DGKZ: variants seen among roughly 807,000 people sequenced by gnomAD.
DGKZ encodes the protein DAG kinase zeta.
A neutral mutation model predicts 142.5 loss-of-function variants in DGKZ; 45 were observed. The observed-to-expected ratio is 0.32, with a 90% confidence interval of 0.25 to 0.40. DGKZ has a LOEUF of 0.40. Ranked by LOEUF, DGKZ falls within the 10% of genes least tolerant of loss-of-function variation. The probability of loss-of-function intolerance (pLI) is 1.00; values close to 1 mark genes in which losing one functional copy is unlikely to be tolerated. For synonymous variants in DGKZ, 442 were observed against 527.0 expected (o/e 0.84, Z 2.21); for missense variants, 755 against 1,306.5 (o/e 0.58, Z 6.51).
chr11:46,371,727 G>A (rs1402500035), exon 9 of DGKZ: 17 of 1,613,810 alleles, frequency 1.1e-5, no homozygotes, highest in South Asian at 4.4e-5. Context: ...CAAGCAAGAA[G>A]AAGAAGAGGG....
upstream of DGKZ, among the ~76,000 whole-genome samples, chr11:46,343,316 C>T (rs957164803): frequency 5.3e-5 from 8 of 152,208 alleles, no homozygotes; most frequent in African/African-American, 1.7e-4. Context: ...ATTTATTAAA[C>T]AAATATTTAC....
chr11:46,351,875 A>G (rs1209001609), intron 1 of DGKZ, among the ~76,000 whole-genome samples: 2 of 152,164 alleles, frequency 1.3e-5, no homozygotes, highest in Non-Finnish European at 2.9e-5. Context: ...AGGGGAGGGA[A>G]TGACAATTCT....
Position 46,372,189 on chromosome 11 carries a change from CT to C in DGKZ, c.927+20del, listed in dbSNP as rs748837470. On this transcript the variant is annotated intron_variant, in intron 10 of 30. Coordinates refer to ENST00000527911, the Ensembl canonical transcript of DGKZ. The surrounding 1 kb of genome is among the most constrained non-coding windows in gnomAD (Gnocchi z 5.9). ...CAACCAGGTGAACGCGGCCTTGCCT[CT>C]CAGCTAAGGGCTCGGGCGGGGGTTG... The C allele has an allele frequency of 6.5e-5, 103 of 1,590,440 alleles. No homozygotes were observed. The highest frequency in any genetic ancestry group is 4.9e-5 in the Non-Finnish European group (57 of 1,166,250).
intron 14 of DGKZ, among the ~76,000 whole-genome samples, chr11:46,373,501 T>G (rs1395319462): frequency 6.5e-4 from 81 of 124,018 alleles, no homozygotes; most frequent in African/African-American, 2.8e-3. Context: ...TTTTTTTGTT[T>G]TTGTTTTTTG....
At chr11:46,337,477 G>A (rs2136376106) in intron 1 of DGKZ, among the ~76,000 whole-genome samples, 1 of 151,920 alleles carries the variant, frequency 6.6e-6, no homozygotes, top group South Asian at 2.1e-4. Flanking sequence ...TGTATTTTTA[G>A]TAGAGACGGG....
At chr11:46,375,297 C>G in intron 19 of DGKZ, 135 bp from the exon 20 acceptor site, 1 of 1,052,498 alleles carries the variant, frequency 9.5e-7, no homozygotes, top group Non-Finnish European at 1.4e-6. Flanking sequence ...GTCTCAGCCT[C>G]CCCTCTGCCC....
chr11:46,350,399 C>CCAGCTGAAACCAG lies in DGKZ; in HGVS notation c.161+2581_161+2593dup, dbSNP rs373385748. On this transcript the variant is annotated intron_variant, in intron 1 of 30. Coordinates refer to ENST00000527911, the Ensembl canonical transcript of DGKZ. ...GCCTCAGGTAAAAGTCCTCGAAGCC[C>CCAGCTGAAACCAG]CAGCTGAAACCAGCCCTTCATCTTA... is the stretch of plus-strand genomic sequence containing the variant. 1.6e-3 allele frequency among the ~76,000 whole-genome samples: 251 copies of CCAGCTGAAACCAG among 152,264 alleles called. 1 individual carries two copies. The highest frequency in any genetic ancestry group is 5.7e-3 in the African/African-American group (237 of 41,528).
At chr11:46,355,172 G>A (rs1001283048) in intron 1 of DGKZ, among the ~76,000 whole-genome samples, 3 of 152,042 alleles carry the variant, frequency 2.0e-5, no homozygotes, top group Non-Finnish European at 4.4e-5. Flanking sequence ...GCAGTGGTGC[G>A]ATCTCGGCTC....
chr11:46,374,795 C>A (rs1201272665), exon 18 of DGKZ: 17 of 1,609,068 alleles, frequency 1.1e-5, no homozygotes, highest in Admixed American at 3.4e-5. Flanking sequence ...CTCCCAAGAT[C>A]CAGGACCTGA....
intron 1 of DGKZ, among the ~76,000 whole-genome samples, chr11:46,336,112 G>A (rs957694521): frequency 1.3e-5 from 2 of 152,242 alleles, no homozygotes; most frequent in African/African-American, 4.8e-5. Context: ...GAGTGGAAGC[G>A]GAAGCGGGCT....
exon 31 of DGKZ, chr11:46,379,931 A>G (rs1169613491): frequency 1.2e-6 from 2 of 1,606,866 alleles, no homozygotes; most frequent in South Asian, 1.1e-5. Flanking sequence ...CGGGAGGACC[A>G]GGAGACGGCT....
At chr11:46,365,190 T>C in intron 1 of DGKZ, 1 of 985,356 alleles carries the variant, frequency 1.0e-6, no homozygotes, top group Non-Finnish European at 1.2e-6. Context: ...CCACAGCTCC[T>C]GCCTGCCTGC....
intron 1 of DGKZ, among the ~76,000 whole-genome samples, 187 bp downstream of exon 1, chr11:46,348,007 G>A (rs1481957907): frequency 1.3e-5 from 2 of 152,252 alleles, no homozygotes; most frequent in African/African-American, 4.8e-5. Context: ...CCCCAGGGCC[G>A]GGACACGGGC....
intron 1 of DGKZ, among the ~76,000 whole-genome samples, chr11:46,342,010 C>T (rs1204260452): frequency 2.0e-5 from 3 of 152,148 alleles, no homozygotes; most frequent in Non-Finnish European, 4.4e-5. Flanking sequence ...ATGTCCAGGT[C>T]GTGGGTTGAG....
At chr11:46,369,904 C>A (rs1029301701) in intron 5 of DGKZ, 37 bp from the exon 6 acceptor site, 2 of 1,610,332 alleles carry the variant, frequency 1.2e-6, no homozygotes, top group African/African-American at 1.3e-5. Flanking sequence ...CCCCTGCCCA[C>A]CCCTCACCCA....
chr11:46,364,093 T>C (rs964901596), intron 1 of DGKZ, among the ~76,000 whole-genome samples: 1 of 152,236 alleles, frequency 6.6e-6, no homozygotes, highest in African/African-American at 2.4e-5. Flanking sequence ...TATTATTCCC[T>C]ATCTGGTTCC....
intron 19 of DGKZ, 50 bp from the exon 20 acceptor site, chr11:46,375,382 C>T: frequency 1.3e-6 from 2 of 1,519,622 alleles, no homozygotes; most frequent in African/African-American, 1.4e-5. Flanking sequence ...TCTGGGACCC[C>T]CCTGCCCCCA....
intron 6 of DGKZ, among the ~76,000 whole-genome samples, chr11:46,371,066 C>T (rs190045057): frequency 4.1e-4 from 62 of 152,296 alleles, no homozygotes; most frequent in Non-Finnish European, 5.7e-4. Context: ...GCCTGGGCAA[C>T]AAGAGCGAGA....
intron 1 of DGKZ, among the ~76,000 whole-genome samples, chr11:46,336,747 G>GT (rs1025307730): frequency 9.2e-5 from 14 of 152,094 alleles, no homozygotes; most frequent in African/African-American, 3.4e-4. Flanking sequence ...TAGGGATGGG[G>GT]TTTCGCCGTG....
Sources: allele counts gnomAD v4.1 joint callset (sites outside exome capture counted in the v4.1 genomes callset), GRCh38; gene constraint gnomAD v4.1.1; non-coding constraint Gnocchi (gnomAD v3.1); transcripts MANE v1.5; gene names NCBI Gene and HGNC (gene_info 2026-07-23, HGNC 2026-07-21).